The following LRRC69 variants were observed in gnomAD, a reference collection of about 807,000 sequenced individuals.
The protein encoded by LRRC69 is leucine-rich repeat-containing protein 69.
A neutral mutation model predicts 37.8 loss-of-function variants in LRRC69; 42 were observed. That is an observed-to-expected ratio of 1.11 (90% CI 0.87 to 1.44). The LOEUF is 1.44. LRRC69 is among the 40% of genes most tolerant of loss of function. LRRC69 has a pLI of 0.00. For synonymous variants in LRRC69, 141 were observed against 143.1 expected, an observed-to-expected ratio of 0.99 and a Z score of 0.11; for missense variants, 357 against 401.9, an observed-to-expected ratio of 0.89 and a Z score of 0.96.
At chr8:91,176,373 C>T (rs1293246104) in intron 5 of LRRC69, among the ~76,000 whole-genome samples, 2 of 151,772 alleles carry the variant, frequency 1.3e-5, no homozygotes, top group African/African-American at 2.4e-5. Context: ...TCTCAATCTC[C>T]TGACCTTGTG....
chr8:91,175,699 G>A (rs890295161), intron 5 of LRRC69, among the ~76,000 whole-genome samples: 4 of 152,006 alleles, frequency 2.6e-5, no homozygotes, highest in African/African-American at 9.7e-5. Context: ...CGAAAGGGGG[G>A]CATCAACAGA....
intron 1 of LRRC69, among the ~76,000 whole-genome samples, chr8:91,104,125 C>G (rs1172411395): frequency 6.6e-6 from 1 of 151,864 alleles, no homozygotes; most frequent in Non-Finnish European, 1.5e-5. Context: ...GTGTATTGAT[C>G]CACATCTGGA....
At chr8:91,117,477 C>G (rs942996766) in intron 1 of LRRC69, among the ~76,000 whole-genome samples, 15 of 150,874 alleles carry the variant, frequency 9.9e-5, no homozygotes, top group African/African-American at 3.2e-4. Context: ...CTAGTTTGTC[C>G]AGGGGGCATT....
intron 5 of LRRC69, among the ~76,000 whole-genome samples, chr8:91,164,268 A>C (rs1410210113): frequency 2.0e-5 from 3 of 151,052 alleles, no homozygotes; most frequent in Non-Finnish European, 4.4e-5. Flanking sequence ...AGGTTCTAGA[A>C]TATAATGAGG....
intron 6 of LRRC69, among the ~76,000 whole-genome samples, chr8:91,190,266 TTG>T (rs1380494305): frequency 2.0e-5 from 3 of 151,524 alleles, no homozygotes; most frequent in African/African-American, 7.3e-5. Context: ...GTGGCTTACT[TTG>T]TTTTTTTTTT....
At chr8:91,196,820 C>A (rs1431347766) in intron 6 of LRRC69, among the ~76,000 whole-genome samples, 1 of 151,802 alleles carries the variant, frequency 6.6e-6, no homozygotes, top group Non-Finnish European at 1.5e-5. Flanking sequence ...GTAATTTGAT[C>A]GTCTGAAGCC....
chr8:91,172,687 G>T (rs1563613734), intron 5 of LRRC69, among the ~76,000 whole-genome samples: 1 of 151,730 alleles, frequency 6.6e-6, no homozygotes, highest in Non-Finnish European at 1.5e-5. Context: ...GGCTAATTTT[G>T]TATTTTTAGT....
intron 5 of LRRC69, among the ~76,000 whole-genome samples, chr8:91,185,239 A>AGGG: frequency 6.6e-6 from 1 of 152,256 alleles, no homozygotes; most frequent in South Asian, 2.1e-4. Flanking sequence ...TTCGGCTTTA[A>AGGG]GGCCTAGGGT....
intron 6 of LRRC69, among the ~76,000 whole-genome samples, chr8:91,192,898 G>A (rs1373271205): frequency 1.3e-5 from 2 of 152,032 alleles, no homozygotes; most frequent in Non-Finnish European, 2.9e-5. Flanking sequence ...TGCTTTTGGT[G>A]TTTTAGACAT....
intron 1 of LRRC69, chr8:91,118,477 C>T (rs566222942): frequency 2.6e-5 from 8 of 306,742 alleles, no homozygotes; most frequent in African/African-American, 1.4e-4. Flanking sequence ...TGCAGTGAGC[C>T]GAGATCATGC....
At chr8:91,119,577 A>G (rs566995223) in intron 1 of LRRC69, among the ~76,000 whole-genome samples, 1 of 152,170 alleles carries the variant, frequency 6.6e-6, no homozygotes, top group East Asian at 1.9e-4. Context: ...GTCTTTTCCT[A>G]GGTCATCTAT....
At chr8:91,108,468 CGTGAT>C (rs1172970180) in intron 1 of LRRC69, among the ~76,000 whole-genome samples, 3 of 151,918 alleles carry the variant, frequency 2.0e-5, no homozygotes, top group Non-Finnish European at 4.4e-5. Flanking sequence ...ATATTACACT[CGTGAT>C]GTAGGAGAAT....
intron 5 of LRRC69, among the ~76,000 whole-genome samples, chr8:91,189,143 A>C (rs912300250): frequency 3.3e-5 from 5 of 152,132 alleles, no homozygotes; most frequent in African/African-American, 1.2e-4. Flanking sequence ...TTAGGATGTT[A>C]TTTTTTGTTA....
intron 5 of LRRC69, among the ~76,000 whole-genome samples, chr8:91,171,886 C>A (rs926679339): frequency 6.6e-5 from 10 of 151,776 alleles, no homozygotes; most frequent in Admixed American, 5.3e-4. Flanking sequence ...TATTTCTTTA[C>A]TATTTTTCCA....
intron 5 of LRRC69, among the ~76,000 whole-genome samples, chr8:91,136,867 T>C (rs552612352): frequency 2.0e-5 from 3 of 152,048 alleles, no homozygotes; most frequent in Non-Finnish European, 4.4e-5. Flanking sequence ...CATTAATTTA[T>C]CTTATACCAT....
At chr8:91,118,652 A>G (rs1813561781) in intron 1 of LRRC69, 1 of 167,540 alleles carries the variant, frequency 6.0e-6, no homozygotes. Flanking sequence ...ATCTATAACC[A>G]TATCAATTTC....
At chr8:91,177,766 A>C (rs1809257270) in intron 5 of LRRC69, among the ~76,000 whole-genome samples, 1 of 151,476 alleles carries the variant, frequency 6.6e-6, no homozygotes, top group Admixed American at 6.6e-5. Flanking sequence ...AGGGTTAAAA[A>C]CCTGTATTTC....
At chr8:91,148,884 T>C (rs1210058692) in intron 5 of LRRC69, among the ~76,000 whole-genome samples, 1 of 152,038 alleles carries the variant, frequency 6.6e-6, no homozygotes, top group Admixed American at 6.6e-5. Context: ...ATGTCTTCTT[T>C]TGAGAAATGT....
At chr8:91,130,719 T>C (rs1813793812) in intron 3 of LRRC69, 1 of 152,086 alleles carries the variant, frequency 6.6e-6, no homozygotes, top group Admixed American at 6.6e-5. Context: ...ACAAATCTTT[T>C]TGTAAACATG....
Sources: gnomAD v4.1 joint callset for allele counts (sites outside exome capture counted in the v4.1 genomes callset) on GRCh38, gnomAD v4.1.1 for gene constraint, MANE v1.5 for transcripts, NCBI Gene and HGNC (gene_info 2026-07-23, HGNC 2026-07-21) for gene names.